Variants in IL1RAPL1 observed in about 807,000 individuals in gnomAD.
The protein encoded by IL1RAPL1 is interleukin-1 receptor accessory protein-like 1.
Under a neutral mutation model 48.4 loss-of-function variants are expected in IL1RAPL1, and 3 were observed. That is an observed-to-expected ratio of 0.06 (90% CI 0.03 to 0.16). The LOEUF (loss-of-function observed/expected upper bound fraction) is 0.16. IL1RAPL1 is among the 10% of genes least tolerant of loss of function. IL1RAPL1 has a pLI of 1.00. For missense variants in IL1RAPL1, 349 were observed against 530.6 expected (o/e 0.66, Z 3.36); for synonymous variants, 185 against 187.7 (o/e 0.99, Z 0.12).
rs181353887 is a variant in IL1RAPL1 at position 29,866,110 on chromosome X, C to T, written c.779-51354C>T. Among the ~76,000 whole-genome samples the T allele has an allele frequency of 1.3e-3, 147 of 111,708 alleles. 1 individual carries two copies. Among genetic ancestry groups the T allele is most frequent in the African/African-American group, 4.4e-3 (136 of 30,736 alleles). Reference sequence around the variant, plus strand: ...ATTAGCTTTGGGTTCAGTTTTTGGCCATATCATTTACCAGCTCAGTCATGG... The same window carrying T: ...ATTAGCTTTGGGTTCAGTTTTTGGCTATATCATTTACCAGCTCAGTCATGG... On this transcript the variant is annotated intron_variant, in intron 6 of 10. Coordinates refer to ENST00000378993, the MANE Select transcript of IL1RAPL1 (RefSeq NM_014271.4).
intron 2 of IL1RAPL1, among the ~76,000 whole-genome samples, chrX:29,239,609 A>G (rs1019764437): frequency 3.6e-5 from 4 of 112,437 alleles, no homozygotes; most frequent in Non-Finnish European, 7.5e-5. Context: ...TCCAACTTCT[A>G]GAGCAAGTTT....
At chrX:29,508,067 C>A (rs1232763023) in intron 5 of IL1RAPL1, among the ~76,000 whole-genome samples, 1 of 111,319 alleles carries the variant, frequency 9.0e-6, no homozygotes, top group African/African-American at 3.3e-5. Flanking sequence ...GGTGGCAAAT[C>A]TTCATTGTGA....
Position 29,406,475 on chromosome X carries a change from G to A in IL1RAPL1, c.703+7167G>A, listed in dbSNP as rs144506767. ...CTTATATTACCCATCTGTGGGTATC[G>A]TGGAGGAATAATACCCTCCATACAG... On this transcript the variant is annotated intron_variant, in intron 5 of 10. Coordinates refer to ENST00000378993, the MANE Select transcript of IL1RAPL1 (RefSeq NM_014271.4). Among the ~76,000 whole-genome samples the A allele has an allele frequency of 2.3e-3, 251 of 110,666 alleles. 2 individuals are homozygous for A. The highest frequency in any genetic ancestry group is 7.7e-3 in the African/African-American group (236 of 30,452).
At chrX:28,753,427 C>T (rs1316975088) in intron 1 of IL1RAPL1, among the ~76,000 whole-genome samples, 3 of 112,120 alleles carry the variant, frequency 2.7e-5, no homozygotes, top group Admixed American at 9.5e-5. Flanking sequence ...AAATGTCATG[C>T]ACCCAAGAGA....
intron 6 of IL1RAPL1, among the ~76,000 whole-genome samples, chrX:29,915,899 CT>C (rs1932796718): frequency 2.0e-5 from 1 of 49,932 alleles, no homozygotes; most frequent in Non-Finnish European, 3.5e-5. Context: ...TCCCTCCCCC[CT>C]CCCCCCACCC....
intron 8 of IL1RAPL1, among the ~76,000 whole-genome samples, chrX:29,932,206 C>G (rs187364882): frequency 7.1e-5 from 8 of 112,414 alleles, no homozygotes; most frequent in Admixed American, 9.4e-5. Context: ...GTGTACATCT[C>G]ACATTATAGT....
intron 9 of IL1RAPL1, among the ~76,000 whole-genome samples, chrX:29,942,088 T>C (rs919916426): frequency 8.0e-5 from 9 of 112,223 alleles, no homozygotes; most frequent in Non-Finnish European, 1.9e-5. Flanking sequence ...GTTCCTTTTC[T>C]CTCACCTTGT....
chrX:28,892,779 T>C (rs1299767871), intron 2 of IL1RAPL1, among the ~76,000 whole-genome samples: 1 of 110,225 alleles, frequency 9.1e-6, no homozygotes. Context: ...TATTGTGGGG[T>C]TGTTAGAAGA....
chrX:29,230,463 T>G (rs921474295), intron 2 of IL1RAPL1, among the ~76,000 whole-genome samples: 11 of 91,027 alleles, frequency 1.2e-4, no homozygotes, highest in Non-Finnish European at 2.1e-5. Context: ...ACTCACTTTA[T>G]TGTGACCCCT....
chrX:28,869,253 G>A (rs1279264317), intron 2 of IL1RAPL1, among the ~76,000 whole-genome samples: 1 of 112,029 alleles, frequency 8.9e-6, no homozygotes, highest in African/African-American at 3.2e-5. Context: ...ATCCAGAATC[G>A]GCCTCACTGC....
chrX:29,906,462 TATATATATATATATA>T (rs1477340253), intron 6 of IL1RAPL1, among the ~76,000 whole-genome samples: 1 of 626 alleles, frequency 1.6e-3, no homozygotes, highest in Non-Finnish European at 2.2e-3. Context: ...ACTTTGTAAA[TATATATATATATATA>T]TATATATATA....
At chrX:29,698,954 G>A in intron 6 of IL1RAPL1, among the ~76,000 whole-genome samples, 1 of 112,115 alleles carries the variant, frequency 8.9e-6, no homozygotes, top group Admixed American at 9.4e-5. Context: ...ATAGTTTTCA[G>A]TCTTCCATAT....
intron 2 of IL1RAPL1, among the ~76,000 whole-genome samples, chrX:29,106,257 T>C (rs1402509936): frequency 9.0e-6 from 1 of 111,174 alleles, no homozygotes; most frequent in East Asian, 2.8e-4. Context: ...TATATTGGGA[T>C]AGCCTCTGGT....
intron 1 of IL1RAPL1, among the ~76,000 whole-genome samples, chrX:28,591,028 G>C (rs1933902947): frequency 8.9e-6 from 1 of 112,075 alleles, no homozygotes; most frequent in Non-Finnish European, 1.9e-5. Context: ...CTACACATTA[G>C]TAATAAAAAG....
At chrX:29,803,300 CATATACACACATGTATATATGTATACAT>C (rs1930116343) in intron 6 of IL1RAPL1, among the ~76,000 whole-genome samples, 1 of 21,918 alleles carries the variant, frequency 4.6e-5, no homozygotes, top group Non-Finnish European at 8.5e-5. Flanking sequence ...TATATGTATA[CATATACACACATGTATATATGTATACAT>C]GTATACACAT....
At chrX:28,618,430 C>T (rs1934246169) in intron 1 of IL1RAPL1, among the ~76,000 whole-genome samples, 1 of 112,120 alleles carries the variant, frequency 8.9e-6, no homozygotes, top group Non-Finnish European at 1.9e-5. Flanking sequence ...ATTACATTTT[C>T]AATATCTTAT....
At chrX:29,914,190 G>T (rs887196563) in intron 6 of IL1RAPL1, among the ~76,000 whole-genome samples, 1 of 112,167 alleles carries the variant, frequency 8.9e-6, no homozygotes, top group Non-Finnish European at 1.9e-5. Context: ...TGAGAAAGCA[G>T]ATTGCTTCTT....
intron 2 of IL1RAPL1, among the ~76,000 whole-genome samples, chrX:29,275,734 G>T (rs139721200): frequency 2.9e-3 from 325 of 111,855 alleles, no homozygotes; most frequent in African/African-American, 0.01. Context: ...TGACAAGTCT[G>T]TTCCCACTTA....
At chrX:29,627,535 G>A (rs1482917640) in intron 5 of IL1RAPL1, among the ~76,000 whole-genome samples, 5 of 111,751 alleles carry the variant, frequency 4.5e-5, no homozygotes, top group Non-Finnish European at 9.4e-5. Flanking sequence ...TTTGTTTAAC[G>A]AACTCTCTCT....
Sources: gnomAD v4.1 joint callset for allele counts (sites outside exome capture counted in the v4.1 genomes callset) on GRCh38, gnomAD v4.1.1 for gene constraint, MANE v1.5 for transcripts, NCBI Gene and HGNC (gene_info 2026-07-23, HGNC 2026-07-21) for gene names.